IPO9: variants seen among roughly 807,000 people sequenced by gnomAD.
IPO9 encodes the protein importin-9.
A neutral mutation model predicts 128.6 loss-of-function variants in IPO9; 28 were observed. That is an observed-to-expected ratio of 0.22 (90% CI 0.16 to 0.30). The LOEUF is 0.30. IPO9 is among the 10% of genes least tolerant of loss of function. The pLI is 1.00. For missense variants in IPO9, 935 were observed against 1,293.9 expected, an observed-to-expected ratio of 0.72 and a Z score of 4.26; for synonymous variants, 455 against 475.8, an observed-to-expected ratio of 0.96 and a Z score of 0.57.
At chr1:201,875,826 G>A in intron 23 of IPO9, 118 bp from the exon 24 acceptor site, 1 of 708,366 alleles carries the variant, frequency 1.4e-6, no homozygotes. Flanking sequence ...CATCCCTCAG[G>A]GAGCTGGCAT....
At chr1:201,875,292 G>A in intron 23 of IPO9, 64 bp downstream of exon 23, 1 of 1,400,282 alleles carries the variant, frequency 7.1e-7, no homozygotes, top group Non-Finnish European at 1.0e-6. Flanking sequence ...AGGAATATGG[G>A]CTCAAATCCA....
chr1:201,835,559 C>T (rs1679906730), intron 1 of IPO9, among the ~76,000 whole-genome samples: 1 of 152,164 alleles, frequency 6.6e-6, no homozygotes, highest in African/African-American at 2.4e-5. Context: ...CCTTATTTCA[C>T]CATGGGAAAG....
Position 201,866,773 on chromosome 1 carries a change from C to T in IPO9, c.1669C>T (p.Leu557Phe). The T allele has an allele frequency of 6.2e-7, 1 of 1,614,106 alleles. No homozygotes were observed. Residue 557 changes from leucine (L) to phenylalanine (F), a missense_variant, in exon 15 of 24, where the codon CTC becomes TTC. Physicochemically the swap from Leu to Phe is conservative, Grantham distance 22. This residue lies in a region of IPO9 where 741 missense variants were observed against 1,019.1 expected (regional missense o/e 0.73). Transcript: ENST00000361565. ...GAAAGTCTCAGAGAGTACCCACGTG[C>T]TCCAGCCCTTCCTCCCCAGCATCCT... is the stretch of plus-strand genomic sequence containing the variant. ...QLKVSESTHV[L>F]QPFLPSILDG...
In IPO9 at chr1:201,877,196, A is replaced by T. The variant is rs1176358153; in HGVS notation, c.*1142A>T. On this transcript the variant is annotated 3_prime_UTR_variant, in exon 24 of 24. Coordinates refer to ENST00000361565, the MANE Select transcript of IPO9 (RefSeq NM_018085.5). ...CTGTTTGGGGTTCAAAGAGTAAATGAGGATTAGAAAATCATGGAGAGAGGC... is the reference window on the plus strand; with the variant it reads ...CTGTTTGGGGTTCAAAGAGTAAATGTGGATTAGAAAATCATGGAGAGAGGC... 1 of 152,212 alleles carries T rather than the reference A, an allele frequency of 6.6e-6. No homozygotes were observed. Among genetic ancestry groups the T allele is most frequent in the Non-Finnish European group, 1.5e-5 (1 of 68,046 alleles). The allele number at this position is 152,212 out of a possible 1,614,324, so 9.4% of individuals were successfully genotyped here.
intron 13 of IPO9, among the ~76,000 whole-genome samples, chr1:201,861,833 A>AGAT (rs1680452986): frequency 6.6e-6 from 1 of 152,250 alleles, no homozygotes; most frequent in South Asian, 2.1e-4. Flanking sequence ...ATAACATGTA[A>AGAT]GAACACTAAA....
intron 21 of IPO9, 36 bp from the exon 22 acceptor site, chr1:201,874,796 G>A (rs1680728385): frequency 3.5e-6 from 5 of 1,413,540 alleles, no homozygotes; most frequent in African/African-American, 2.8e-5. Context: ...ATGCATGAAT[G>A]TGCTCTAGCT....
rs372891944 is a variant in IPO9 at position 201,852,113 on chromosome 1, G to A, written c.524G>A (p.Arg175His). ...GAMRVLTEFT[R>H]EVTDTQMPLV... ...ACTTTTTTCTTTGTAGAATTCACTCGTGAAGTAACAGACACACAGATGCCA... is the reference window on the plus strand; with the variant it reads ...ACTTTTTTCTTTGTAGAATTCACTCATGAAGTAACAGACACACAGATGCCA... The change falls in exon 5 of 24, where the codon CGT becomes CAT. Residue 175 changes from arginine (R) to histidine (H), a missense_variant. Arg to His is a conservative substitution (Grantham distance 29). Coordinates refer to ENST00000361565, the MANE Select transcript of IPO9 (RefSeq NM_018085.5). The A allele has an allele frequency of 1.0e-5, 16 of 1,606,008 alleles. No individual in the cohort carries two copies. Among genetic ancestry groups the A allele is most frequent in the Admixed American group, 1.7e-5 (1 of 59,750 alleles).
In IPO9 at chr1:201,870,528, C is replaced by T; in HGVS notation, c.2134-55C>T. On this transcript the variant is annotated intron_variant, in intron 17 of 23. Coordinates refer to ENST00000361565, the MANE Select transcript of IPO9 (RefSeq NM_018085.5). The surrounding 1 kb of genome is among the most constrained non-coding windows in gnomAD (Gnocchi z 4.9). ...ACATTTGTTTATACAGACTGAGGGCCTTCTGGCATCTGTCCCTCGATTACT... is the reference window on the plus strand; with the variant it reads ...ACATTTGTTTATACAGACTGAGGGCTTTCTGGCATCTGTCCCTCGATTACT... 2.5e-6 allele frequency: 4 copies of T among 1,573,820 alleles called. No individual in the cohort carries two copies. The highest frequency in any genetic ancestry group is 2.0e-4 in the Middle Eastern group (1 of 4,970).
Position 201,854,663 on chromosome 1 carries a change from G to A in IPO9, c.759G>A (p.Gln253=), listed in dbSNP as rs746568889. Residue 253 remains glutamine, a synonymous_variant, in exon 7 of 24, where the codon CAG becomes CAA. Coordinates refer to ENST00000361565, the MANE Select transcript of IPO9 (RefSeq NM_018085.5). ...CAGAGGCCTTTGTTCAGGCCCTCCA[G>A]ATACCAGATGGCCCCACATCTGACA... The part of the protein sequence containing the change: ...QFTEAFVQAL[Q]IPDGPTSDSG... The A allele has an allele frequency of 7.4e-6, 12 of 1,614,096 alleles. No homozygotes were observed. The African/African-American group carries it at 8.0e-5, about 11-fold the overall frequency.
intron 22 of IPO9, 73 bp from the exon 23 acceptor site, chr1:201,875,079 G>A: frequency 1.4e-6 from 2 of 1,431,184 alleles, no homozygotes; most frequent in Non-Finnish European, 9.9e-7. Context: ...CAGTCATGTG[G>A]TAGTATATCA....
Position 201,877,939 on chromosome 1 carries a change from AGAG to A in IPO9, c.*1886_*1888del, listed in dbSNP as rs909891689. The stretch of plus-strand genomic sequence containing the variant: ...CGAAACTCTGTCTCAAAAAAAAAAA[AGAG>A]AAAGAATATAAAGTGAATCTGAATC... On this transcript the variant is annotated 3_prime_UTR_variant, in exon 24 of 24. Coordinates refer to ENST00000361565, the MANE Select transcript of IPO9 (RefSeq NM_018085.5). The A allele has an allele frequency of 1.6e-4, 24 of 151,954 alleles. No homozygotes were observed. The highest frequency in any genetic ancestry group is 5.6e-4 in the African/African-American group (23 of 41,306). 9.4% of individuals were successfully genotyped at this position (151,954 alleles called of 1,614,324 possible).
At chr1:201,856,044 G>A in intron 10 of IPO9, 110 bp downstream of exon 10, 10 of 774,534 alleles carry the variant, frequency 1.3e-5, no homozygotes, top group Admixed American at 6.8e-5. Context: ...GACACAAAAA[G>A]AATAATTTCA....
chr1:201,859,604 G>A (rs1159517641), intron 13 of IPO9, among the ~76,000 whole-genome samples: 1 of 151,834 alleles, frequency 6.6e-6, no homozygotes, highest in Non-Finnish European at 1.5e-5. Context: ...CTTTATTTTT[G>A]GCCAATATCC....
Position 201,878,351 on chromosome 1 carries a change from C to T in IPO9, c.*2297C>T, listed in dbSNP as rs962967199. The stretch of plus-strand genomic sequence containing the variant: ...TCTGATATTGGCACAAAAGAATGGT[C>T]TCATGCCAGTAGCATTGAACTGCTG... On this transcript the variant is annotated 3_prime_UTR_variant, in exon 24 of 24. Transcript: ENST00000361565. 2.0e-5 allele frequency: 3 copies of T among 152,660 alleles called. No homozygotes were observed. Among genetic ancestry groups the T allele is most frequent in the African/African-American group, 7.2e-5 (3 of 41,470 alleles). The allele number at this position is 152,660 out of a possible 1,614,324, so 9.5% of individuals were successfully genotyped here.
At chr1:201,850,952 G>A (rs1312277098) in intron 4 of IPO9, 1 of 152,074 alleles carries the variant, frequency 6.6e-6, no homozygotes, top group Admixed American at 6.6e-5. Context: ...ATGCCAGCTT[G>A]CGTTTGTAGC....
rs778997055 is a variant in IPO9, at chr1:201,876,043, A to G, written c.3115A>G (p.Ile1039Val). The change falls in exon 24 of 24, where the codon ATC becomes GTC. Residue 1039 changes from isoleucine to valine, a missense_variant. Physicochemically the swap from Ile to Val is conservative, Grantham distance 29. Coordinates refer to ENST00000361565, the MANE Select transcript of IPO9 (RefSeq NM_018085.5). ...CAATGAGAGGCGAGTTCTACAGACC[A>G]TCGGCATCTAAAAAGGGGAGCCTTT... ...NDNERRVLQTIGI is the reference protein window; with the variant it reads ...NDNERRVLQTVGI 1.9e-6 allele frequency: 3 copies of G among 1,608,410 alleles called. No individual in the cohort carries two copies. The African/African-American group carries it at 4.0e-5, about 22-fold the overall frequency.
intron 4 of IPO9, among the ~76,000 whole-genome samples, chr1:201,849,354 G>C (rs983078046): frequency 2.0e-5 from 3 of 152,162 alleles, no homozygotes; most frequent in Non-Finnish European, 4.4e-5. Flanking sequence ...TCCTTTGCAA[G>C]TTCCTCCCTG....
Position 201,880,734 on chromosome 1 carries a change from T to C in IPO9, c.*4680T>C, listed in dbSNP as rs1680868812. On this transcript the variant is annotated 3_prime_UTR_variant, in exon 24 of 24. Coordinates refer to ENST00000361565, the MANE Select transcript of IPO9 (RefSeq NM_018085.5). ...TCTAGTAGGGGGTCAGAAATACAGA[T>C]GGGCCTGAACATAATGATGGTTTGA... The C allele has an allele frequency of 6.6e-6, 1 of 152,216 alleles. No individual in the cohort carries two copies. Among genetic ancestry groups the C allele is most frequent in the African/African-American group, 2.4e-5 (1 of 41,458 alleles). 9.4% of individuals were successfully genotyped at this position (152,216 alleles called of 1,614,324 possible). A position where few individuals can be genotyped will look rare whatever the true frequency, so the allele number is the denominator to read the frequency against.
rs1476229155 is a variant in IPO9 at position 201,883,966 on chromosome 1, TCTAA to T, written c.*7915_*7918del. 1 of 152,220 alleles carries T rather than the reference TCTAA, an allele frequency of 6.6e-6. No homozygotes were observed. The highest frequency in any genetic ancestry group is 1.5e-5 in the Non-Finnish European group (1 of 68,046). The allele number at this position is 152,220 out of a possible 1,614,324, so 9.4% of individuals were successfully genotyped here. A position where few individuals can be genotyped will look rare whatever the true frequency, so the allele number is the denominator to read the frequency against. ...AATGGATCAGAGTGTCTCTGCCAGT[TCTAA>T]CTTGGGGATTCTAGTGGGTTGAACC... On this transcript the variant is annotated 3_prime_UTR_variant, in exon 24 of 24. Transcript: ENST00000361565.
Sources: gnomAD v4.1 joint callset for allele counts (sites outside exome capture counted in the v4.1 genomes callset) on GRCh38, gnomAD v4.1.1 for gene constraint, gnomAD v4.1.1 regional missense constraint, Gnocchi (gnomAD v3.1) non-coding constraint, MANE v1.5 for transcripts, NCBI Gene and HGNC (gene_info 2026-07-23, HGNC 2026-07-21) for gene names.